CNTN5: variants seen among roughly 807,000 people sequenced by gnomAD.
The protein encoded by CNTN5 is contactin 5.
A neutral mutation model predicts 129.1 loss-of-function variants in CNTN5; 77 were observed. The ratio of observed to expected loss-of-function variants is 0.60; its 90% CI spans 0.50 to 0.72. The LOEUF (loss-of-function observed/expected upper bound fraction) is 0.72, where lower values mean the gene tolerates loss of function less well. CNTN5 is among the 30% of genes least tolerant of loss of function. CNTN5 has a pLI of 0.00. For missense variants in CNTN5, 1,478 were observed against 1,328.8 expected (o/e 1.11, Z -1.75); for synonymous variants, 509 against 465.6 (o/e 1.09, Z -1.20).
intron 3 of CNTN5, among the ~76,000 whole-genome samples, chr11:99,696,266 T>C (rs1487617143): frequency 6.6e-6 from 1 of 152,136 alleles, no homozygotes; most frequent in East Asian, 1.9e-4. Flanking sequence ...AGGAATATTA[T>C]AACCAAGCAT....
At chr11:99,168,509 G>A (rs1860991114) in intron 1 of CNTN5, among the ~76,000 whole-genome samples, 1 of 152,038 alleles carries the variant, frequency 6.6e-6, no homozygotes, top group South Asian at 2.1e-4. Context: ...GAACCCAGGA[G>A]GCAGAGGTTG....
rs147828641 is a variant in CNTN5, at chr11:99,601,304, C to A, written c.55+45035C>A. 5.3e-5 allele frequency among the ~76,000 whole-genome samples: 8 copies of A among 152,302 alleles called. No individual in the cohort carries two copies. In the East Asian group the frequency reaches 1.4e-3, roughly 26 times the overall value. ...CTTTCTGAGGGTTCTGTCTTCCCTT[C>A]TAAGTCCACTTAGTAAATCATCAAA... is the stretch of plus-strand genomic sequence containing the variant. On this transcript the variant is annotated intron_variant, in intron 3 of 24. Transcript: ENST00000524871.
At chr11:100,076,097 A>G (rs1283839447) in intron 13 of CNTN5, among the ~76,000 whole-genome samples, 1 of 152,158 alleles carries the variant, frequency 6.6e-6, no homozygotes, top group Non-Finnish European at 1.5e-5. Context: ...TTTGCTCACA[A>G]CACTATGATT....
intron 1 of CNTN5, among the ~76,000 whole-genome samples, chr11:99,299,881 T>C (rs75746864): frequency 1.3e-5 from 2 of 152,108 alleles, no homozygotes; most frequent in African/African-American, 2.4e-5. Context: ...CTTTTTTATA[T>C]AATGTTTTCT....
chr11:99,975,955 C>A (rs954689977), intron 8 of CNTN5, among the ~76,000 whole-genome samples: 2 of 152,156 alleles, frequency 1.3e-5, no homozygotes, highest in Non-Finnish European at 2.9e-5. Flanking sequence ...AAGGCACGTC[C>A]TTTCCACCTA....
At chr11:99,400,003 T>C (rs1370293557) in intron 2 of CNTN5, among the ~76,000 whole-genome samples, 1 of 152,104 alleles carries the variant, frequency 6.6e-6, no homozygotes, top group South Asian at 2.1e-4. Flanking sequence ...TTACAAACAA[T>C]ACAATTATAC....
chr11:99,480,542 A>G, intron 2 of CNTN5, among the ~76,000 whole-genome samples: 1 of 152,220 alleles, frequency 6.6e-6, no homozygotes, highest in East Asian at 1.9e-4. Context: ...ACATCATATA[A>G]ACATTTGCTA....
At position 100,356,376 on chromosome 11, in the gene CNTN5, T is replaced by C. The variant is rs1952525858; in HGVS notation, c.*156T>C. 3 of 612,240 alleles carry C rather than the reference T, an allele frequency of 4.9e-6. No homozygotes were observed. The highest frequency in any genetic ancestry group is 2.8e-5 in the Admixed American group (1 of 36,182). 37.9% of individuals were successfully genotyped at this position (612,240 alleles called of 1,614,324 possible). ...CTTACAGGAGGTTAGGGGGGAAATA[T>C]TACTTATCCATCAGGTTTCTCTTTG... On this transcript the variant is annotated 3_prime_UTR_variant, in exon 25 of 25. Transcript: ENST00000524871.
intron 18 of CNTN5, among the ~76,000 whole-genome samples, chr11:100,278,019 T>A (rs1388251499): frequency 6.6e-6 from 1 of 152,158 alleles, no homozygotes; most frequent in East Asian, 1.9e-4. Flanking sequence ...GTTTCACTTT[T>A]CTACATGTAG....
In CNTN5 at chr11:100,159,423, C is replaced by T. The variant is rs1947364749; in HGVS notation, c.1581-31703C>T. ...CAAAACTGCTCTATTACTGCTAAGT[C>T]ACCTAGGTTGTGGATTTCTCAGAAC... On this transcript the variant is annotated intron_variant, in intron 13 of 24. Coordinates refer to ENST00000524871, the MANE Select transcript of CNTN5 (RefSeq NM_014361.4). Among the ~76,000 whole-genome samples the T allele has an allele frequency of 1.3e-5, 2 of 151,936 alleles. 1 individual carries two copies. The highest frequency in any genetic ancestry group is 6.8e-3 in the Middle Eastern group (2 of 292).
At chr11:99,652,183 C>G (rs1295701242) in intron 3 of CNTN5, among the ~76,000 whole-genome samples, 8 of 152,030 alleles carry the variant, frequency 5.3e-5, no homozygotes, top group African/African-American at 1.4e-4. Flanking sequence ...GAGGTTAAGA[C>G]TGAAGTCTTC....
intron 3 of CNTN5, among the ~76,000 whole-genome samples, chr11:99,662,282 G>A (rs1375285764): frequency 6.6e-6 from 1 of 152,158 alleles, no homozygotes; most frequent in South Asian, 2.1e-4. Flanking sequence ...AATAAGGGGG[G>A]ATTGATTAGG....
chr11:99,296,644 T>G (rs894692271), intron 1 of CNTN5, among the ~76,000 whole-genome samples: 1 of 152,180 alleles, frequency 6.6e-6, no homozygotes, highest in Non-Finnish European at 1.5e-5. Context: ...AACATTGGTT[T>G]TAGGGTGGAG....
At chr11:99,909,631 C>CT (rs1949602297) in intron 6 of CNTN5, among the ~76,000 whole-genome samples, 1 of 152,034 alleles carries the variant, frequency 6.6e-6, no homozygotes, top group African/African-American at 2.4e-5. Context: ...ACTATGCAGC[C>CT]ATAAAAAGTA....
At chr11:99,122,003 C>T (rs1858363521) in intron 1 of CNTN5, among the ~76,000 whole-genome samples, 1 of 150,974 alleles carries the variant, frequency 6.6e-6, no homozygotes, top group African/African-American at 2.4e-5. Flanking sequence ...TTTTATTATA[C>T]TTTAAGTTCT....
intron 2 of CNTN5, among the ~76,000 whole-genome samples, chr11:99,354,672 C>T (rs1029580613): frequency 4.6e-5 from 7 of 152,176 alleles, no homozygotes; most frequent in African/African-American, 1.2e-4. Context: ...ACCCTCTGCA[C>T]TATACTCCAA....
At chr11:100,304,469 T>A (rs1410654105) in intron 20 of CNTN5, among the ~76,000 whole-genome samples, 1 of 151,554 alleles carries the variant, frequency 6.6e-6, no homozygotes, top group Non-Finnish European at 1.5e-5. Context: ...CAGCTATGGT[T>A]CAAAATTACC....
At chr11:99,556,579 A>ATT (rs1481257765) in intron 3 of CNTN5, among the ~76,000 whole-genome samples, 1 of 138,466 alleles carries the variant, frequency 7.2e-6, no homozygotes, top group Non-Finnish European at 1.6e-5. Flanking sequence ...ATATATATAT[A>ATT]TATATATATA....
chr11:99,275,383 T>C (rs1863379549), intron 1 of CNTN5, among the ~76,000 whole-genome samples: 1 of 151,630 alleles, frequency 6.6e-6, no homozygotes, highest in South Asian at 2.1e-4. Flanking sequence ...TTAAATTATA[T>C]ATGTTCATAT....
Sources: allele counts gnomAD v4.1 joint callset (sites outside exome capture counted in the v4.1 genomes callset), GRCh38; gene constraint gnomAD v4.1.1; transcripts MANE v1.5; gene names NCBI Gene and HGNC (gene_info 2026-07-23, HGNC 2026-07-21).